Variants in DUSP4 observed in about 807,000 individuals in gnomAD.
The protein encoded by DUSP4 is dual specificity protein phosphatase 4.
A neutral mutation model predicts 27.2 loss-of-function variants in DUSP4; 12 were observed. That is an observed-to-expected ratio of 0.44 (90% confidence interval 0.28 to 0.71). The LOEUF (loss-of-function observed/expected upper bound fraction) is 0.71. Among genes scored for constraint, DUSP4 ranks in the 30% least tolerant of loss-of-function variants. The pLI is 0.14. For synonymous variants in DUSP4, 257 were observed against 245.2 expected (o/e 1.05, Z -0.45); for missense variants, 448 against 551.3 (o/e 0.81, Z 1.88).
intron 1 of DUSP4, 87 bp downstream of exon 1, chr8:29,349,759 G>A (rs917440320): frequency 3.6e-6 from 5 of 1,404,416 alleles, no homozygotes; most frequent in Non-Finnish European, 4.6e-6. Flanking sequence ...ATCACGCCGG[G>A]GACTCCTTCC....
chr8:29,345,935 A>T, intron 1 of DUSP4: 1 of 636,156 alleles, frequency 1.6e-6, no homozygotes, highest in African/African-American at 6.2e-5. Context: ...GTAAGCAGAA[A>T]CTACCATATT....
At chr8:29,347,058 A>C (rs1366705912) in intron 1 of DUSP4, among the ~76,000 whole-genome samples, 1 of 152,244 alleles carries the variant, frequency 6.6e-6, no homozygotes, top group Non-Finnish European at 1.5e-5. Context: ...GGAAAATAAA[A>C]TGAATTACTC....
In DUSP4 at chr8:29,350,676, C is replaced by G. The variant is rs968293155; in HGVS notation, c.-398G>C. 5.0e-5 allele frequency: 10 copies of G among 199,228 alleles called. No individual in the cohort carries two copies. Among genetic ancestry groups the G allele is most frequent in the Non-Finnish European group, 1.0e-4 (10 of 100,262 alleles). The allele number at this position is 199,228 out of a possible 1,614,324, so 12.3% of individuals were successfully genotyped here. A position where few individuals can be genotyped will look rare whatever the true frequency, so the allele number is the denominator to read the frequency against. ...GCTCCTCCGGCGCTCAGCGCACTGC[C>G]CCAGCCAGAGTTTTCTCCTCGGCTT... On this transcript the variant is annotated 5_prime_UTR_variant, in exon 1 of 4. Transcript: ENST00000240100.
chr8:29,340,921 G>C (rs1220176473), intron 1 of DUSP4, among the ~76,000 whole-genome samples: 1 of 152,120 alleles, frequency 6.6e-6, no homozygotes, highest in Admixed American at 6.6e-5. Flanking sequence ...AGAGAAGGGA[G>C]ATCTTTTAAA....
At chr8:29,339,629 T>A (rs1404010380) in intron 2 of DUSP4, among the ~76,000 whole-genome samples, 1 of 152,078 alleles carries the variant, frequency 6.6e-6, no homozygotes, top group Non-Finnish European at 1.5e-5. Context: ...AAGAAGTAAA[T>A]AGGTCCTACC....
chr8:29,338,311 G>C lies in DUSP4; in HGVS notation c.770C>G (p.Ser257Cys). 1 of 1,614,206 alleles carries C rather than the reference G, an allele frequency of 6.2e-7. No individual in the cohort carries two copies. Among genetic ancestry groups the C allele is most frequent in the Non-Finnish European group, 8.5e-7 (1 of 1,180,034 alleles). The stretch of plus-strand genomic sequence containing the variant: ...GTACTCTATGGCTTCCATGAACCAG[G>C]AGCTGATGTCGGCCTTGTGGTTATC... ...VEDNHKADIS[S>C]WFMEAIEYID... Residue 257 changes from serine (S) to cysteine (C), a missense_variant, in exon 3 of 4, where the codon TCC (serine) becomes TGC (cysteine). Transcript: ENST00000240100.
At chr8:29,348,880 A>G in intron 1 of DUSP4, 4 of 804,624 alleles carry the variant, frequency 5.0e-6, no homozygotes, top group Non-Finnish European at 6.0e-6. Context: ...GCGGAGGCGC[A>G]GCGCGGCGGG....
intron 1 of DUSP4, chr8:29,348,626 C>T: frequency 4.1e-6 from 4 of 985,548 alleles, no homozygotes; most frequent in Non-Finnish European, 4.8e-6. Flanking sequence ...GGCTCCTCCG[C>T]ACTGAACAGT....
chr8:29,346,372 G>A (rs958423378), intron 1 of DUSP4, among the ~76,000 whole-genome samples: 4 of 152,138 alleles, frequency 2.6e-5, no homozygotes, highest in African/African-American at 9.7e-5. Flanking sequence ...GGAAGGTAAT[G>A]TTTTTATACC....
intron 1 of DUSP4, among the ~76,000 whole-genome samples, chr8:29,343,033 T>A (rs1171260566): frequency 1.3e-5 from 2 of 151,572 alleles, no homozygotes; most frequent in Non-Finnish European, 2.9e-5. Flanking sequence ...CCGGGCGTGG[T>A]GGCGGGTGTC....
At chr8:29,346,663 T>C (rs1286622856) in intron 1 of DUSP4, among the ~76,000 whole-genome samples, 1 of 152,212 alleles carries the variant, frequency 6.6e-6, no homozygotes, top group Non-Finnish European at 1.5e-5. Context: ...CTAGCAAAGA[T>C]AGAAAACATT....
rs1817574286 is a variant in DUSP4, at chr8:29,336,458, A to G, written c.*568T>C. ...CTTTTTGTACTTTCATACTCTGAAG[A>G]AAGTCTTAATAAATACTTTATTATT... On this transcript the variant is annotated 3_prime_UTR_variant, in exon 4 of 4. Transcript: ENST00000240100. 6.6e-6 allele frequency: 1 copy of G among 152,440 alleles called. No individual in the cohort carries two copies. Among genetic ancestry groups the G allele is most frequent in the Non-Finnish European group, 1.5e-5 (1 of 68,208 alleles). The allele number at this position is 152,440 out of a possible 1,614,324, so 9.4% of individuals were successfully genotyped here.
intron 1 of DUSP4, chr8:29,345,342 T>G: frequency 6.2e-7 from 1 of 1,613,182 alleles, no homozygotes; most frequent in South Asian, 1.1e-5. Context: ...TGAGCTGTAT[T>G]TAAAATCCAA....
At position 29,335,490 on chromosome 8, in the gene DUSP4, T is replaced by G. The variant is rs1240237096; in HGVS notation, c.*1536A>C. ...CAGCTCACTGATGCTCTCTTGCCCT[T>G]CCACACTTCGAGAAGACCTGAAATG... On this transcript the variant is annotated 3_prime_UTR_variant, in exon 4 of 4. Transcript: ENST00000240100. 1.3e-5 allele frequency: 2 copies of G among 152,212 alleles called. No homozygotes were observed. The highest frequency in any genetic ancestry group is 4.8e-5 in the African/African-American group (2 of 41,468). The allele number at this position is 152,212 out of a possible 1,614,324, so 9.4% of individuals were successfully genotyped here. A position where few individuals can be genotyped will look rare whatever the true frequency, so the allele number is the denominator to read the frequency against.
chr8:29,350,004 T>C lies in DUSP4; in HGVS notation c.275A>G (p.Glu92Gly). The C allele has an allele frequency of 6.3e-7, 1 of 1,595,508 alleles. No individual in the cohort carries two copies. The highest frequency in any genetic ancestry group is 8.5e-7 in the Non-Finnish European group (1 of 1,172,828). The change falls in exon 1 of 4, where the codon GAG becomes GGG. Residue 92 changes from glutamate to glycine, a missense_variant. Around this residue, in one of 3 missense-constraint regions of DUSP4, gnomAD observed 345 missense variants for 394.0 expected, o/e 0.88. Coordinates refer to ENST00000240100, the MANE Select transcript of DUSP4 (RefSeq NM_001394.7). ...GCCGGAGCGCAAGCGGGCGCGTACC[T>C]CCTCCTCGGCGGGCAGGATCTGCTC... The part of the protein sequence containing the change: ...SLEQILPAEE[E>G]VRARLRSGLY...
chr8:29,343,469 C>A (rs763436602), intron 1 of DUSP4, among the ~76,000 whole-genome samples: 1 of 152,174 alleles, frequency 6.6e-6, no homozygotes, highest in Non-Finnish European at 1.5e-5. Flanking sequence ...CTCAAGTCCA[C>A]CCCCCACAGG....
intron 2 of DUSP4, among the ~76,000 whole-genome samples, chr8:29,339,885 C>T (rs1461243366): frequency 6.7e-6 from 1 of 149,250 alleles, no homozygotes; most frequent in African/African-American, 2.5e-5. Context: ...ATGGTAGTGC[C>T]ACCTGTAGTC....
chr8:29,338,266 A>G lies in DUSP4; in HGVS notation c.799+16T>C. The G allele has an allele frequency of 9.3e-6, 15 of 1,612,110 alleles. No individual in the cohort carries two copies. The highest frequency in any genetic ancestry group is 1.3e-5 in the Non-Finnish European group (15 of 1,178,276). On this transcript the variant is annotated intron_variant, in intron 3 of 3. Transcript: ENST00000240100. Reference sequence around the variant, plus strand: ...CCGCCCTCAAACCCAGGAACCCCAGAGCAGGGCCAGCCTACCGATGTACTC... The same window carrying G: ...CCGCCCTCAAACCCAGGAACCCCAGGGCAGGGCCAGCCTACCGATGTACTC...
intron 1 of DUSP4, among the ~76,000 whole-genome samples, chr8:29,341,220 G>A (rs1337978552): frequency 6.6e-6 from 1 of 152,204 alleles, no homozygotes; most frequent in Non-Finnish European, 1.5e-5. Context: ...CTGTGCGTTG[G>A]AGAACCACCA....
Sources: gnomAD v4.1 joint callset for allele counts (sites outside exome capture counted in the v4.1 genomes callset) on GRCh38, gnomAD v4.1.1 for gene constraint, gnomAD v4.1.1 regional missense constraint, MANE v1.5 for transcripts, NCBI Gene and HGNC (gene_info 2026-07-23, HGNC 2026-07-21) for gene names.